The following PCBP3 variants were observed in gnomAD, a reference collection of about 807,000 sequenced individuals.
The protein encoded by PCBP3 is poly(rC) binding protein 3.
PCBP3 carries 25 observed loss-of-function variants against 52.7 expected under a neutral mutation model. The observed-to-expected ratio is 0.47, with a 90% CI of 0.35 to 0.66. The LOEUF is 0.66. Among genes scored for constraint, PCBP3 ranks in the 30% least tolerant of loss-of-function variants. The probability of loss-of-function intolerance (pLI) is 0.01; values close to 1 mark genes in which losing one functional copy is unlikely to be tolerated. For synonymous variants in PCBP3, 162 were observed against 183.0 expected (o/e 0.89, Z 0.93); for missense variants, 391 against 490.3 (o/e 0.80, Z 1.91).
chr21:45,649,422 T>G (rs1325347228), intron 1 of PCBP3, among the ~76,000 whole-genome samples: 1 of 152,238 alleles, frequency 6.6e-6, no homozygotes, highest in Admixed American at 6.5e-5. Context: ...TATTTGCTTT[T>G]TATAGTCTAC....
intron 4 of PCBP3, among the ~76,000 whole-genome samples, chr21:45,820,591 A>G (rs2093103275): frequency 6.6e-6 from 1 of 152,106 alleles, no homozygotes; most frequent in Non-Finnish European, 1.5e-5. Context: ...AGGGGGTGAG[A>G]CTGTGCTCCG....
At chr21:45,898,022 G>A (rs570101636) in intron 6 of PCBP3, among the ~76,000 whole-genome samples, 3 of 152,232 alleles carry the variant, frequency 2.0e-5, no homozygotes, top group African/African-American at 4.8e-5. Flanking sequence ...CTAGATTTCC[G>A]GGAAGACACG....
At chr21:45,862,521 G>A (rs1290468181) in intron 5 of PCBP3, among the ~76,000 whole-genome samples, 1 of 152,018 alleles carries the variant, frequency 6.6e-6, no homozygotes, top group Non-Finnish European at 1.5e-5. Context: ...TGGTCCTTCT[G>A]GGTAATGATC....
chr21:45,652,630 A>C (rs965671791), intron 1 of PCBP3, among the ~76,000 whole-genome samples: 1 of 151,924 alleles, frequency 6.6e-6, no homozygotes, highest in Non-Finnish European at 1.5e-5. Context: ...TTTAGTAGAG[A>C]CGGGGTTTCA....
At chr21:45,938,857 G>C (rs1415101933) in intron 16 of PCBP3, among the ~76,000 whole-genome samples, 1 of 152,238 alleles carries the variant, frequency 6.6e-6, no homozygotes, top group African/African-American at 2.4e-5. Flanking sequence ...GGTCTCCTCA[G>C]GGACAAGGGC....
rs1467699784 is a variant in PCBP3, at chr21:45,923,014, A to G, written c.717+5385A>G. On this transcript the variant is annotated intron_variant, in intron 13 of 17. Coordinates refer to ENST00000681687, the MANE Select transcript of PCBP3 (RefSeq NM_001384156.1). ...GGAGCCAGGGATGGGAGGCACGACC[A>G]GATCCTGTGCTGGATGCGGCCCTTC... Among the ~76,000 whole-genome samples the G allele has an allele frequency of 2.0e-5, 3 of 152,388 alleles. No individual in the cohort carries two copies. In the East Asian group the frequency reaches 5.8e-4, roughly 29 times the overall value.
intron 1 of PCBP3, among the ~76,000 whole-genome samples, chr21:45,663,872 G>A (rs1360158424): frequency 2.8e-4 from 43 of 151,996 alleles, no homozygotes; most frequent in Non-Finnish European, 1.5e-5. Context: ...CATATGAATT[G>A]TATGATTGTT....
chr21:45,750,084 T>G (rs1042038183), intron 3 of PCBP3: 2 of 152,296 alleles, frequency 1.3e-5, no homozygotes, highest in African/African-American at 4.8e-5. Context: ...GGCTGGCGCC[T>G]GCCTGCGTGG....
chr21:45,856,584 G>A (rs2094304292), intron 5 of PCBP3, among the ~76,000 whole-genome samples: 2 of 152,058 alleles, frequency 1.3e-5, no homozygotes. Flanking sequence ...AAAAGTGTGT[G>A]GCACGCCCCC....
At chr21:45,784,524 T>G (rs1282858945) in intron 4 of PCBP3, among the ~76,000 whole-genome samples, 2 of 152,194 alleles carry the variant, frequency 1.3e-5, no homozygotes. Flanking sequence ...GAAGCTGGAC[T>G]GTACTGCTGC....
At chr21:45,797,645 A>G (rs1569235397) in intron 4 of PCBP3, among the ~76,000 whole-genome samples, 8 of 152,180 alleles carry the variant, frequency 5.3e-5, no homozygotes, top group Non-Finnish European at 1.2e-4. Context: ...GAATGCATGG[A>G]TGGATAAGTG....
In PCBP3 at chr21:45,941,862, G is replaced by A. The variant is rs1008394474; in HGVS notation, c.*156G>A. The A allele has an allele frequency of 2.8e-5, 15 of 537,114 alleles. No individual in the cohort carries two copies. The highest frequency in any genetic ancestry group is 4.5e-5 in the Non-Finnish European group (14 of 310,222). 33.3% of individuals were successfully genotyped at this position (537,114 alleles called of 1,614,324 possible). A position where few individuals can be genotyped will look rare whatever the true frequency, so the allele number is the denominator to read the frequency against. ...ACGTATGCCATGGAGAAACACACCC[G>A]CGCACACAGCTGCTCTCTACAGAGG... On this transcript the variant is annotated 3_prime_UTR_variant, in exon 18 of 18. Transcript: ENST00000681687.
chr21:45,902,790 T>C (rs191521680), intron 9 of PCBP3, among the ~76,000 whole-genome samples: 3 of 152,352 alleles, frequency 2.0e-5, no homozygotes, highest in East Asian at 1.9e-4. Context: ...GACGCCAGCA[T>C]GGCTGGCCAG....
intron 2 of PCBP3, among the ~76,000 whole-genome samples, chr21:45,723,749 C>G (rs566717475): frequency 6.6e-6 from 1 of 152,198 alleles, no homozygotes; most frequent in South Asian, 2.1e-4. Context: ...ATGCCAGGCC[C>G]GGGGTCGAGC....
At chr21:45,889,318 G>C (rs17004502) in intron 5 of PCBP3, among the ~76,000 whole-genome samples, 3 of 152,178 alleles carry the variant, frequency 2.0e-5, no homozygotes, top group Non-Finnish European at 4.4e-5. Flanking sequence ...TGCAAAAGTC[G>C]TTAAATCACA....
At position 45,805,055 on chromosome 21, in the gene PCBP3, AGCCCT is replaced by A. The variant is rs1218420908; in HGVS notation, c.-125-44903_-125-44899del. ...CCGCCTGATCCCGTGGTGATGGCAC[AGCCCT>A]GCTGTGGGGAGAGCCGTGCAGCCCC... On this transcript the variant is annotated intron_variant, in intron 4 of 17. Transcript: ENST00000681687. The surrounding 1 kb of genome is among the most constrained non-coding windows in gnomAD (Gnocchi z 4.6). 6.6e-6 allele frequency among the ~76,000 whole-genome samples: 1 copy of A among 152,148 alleles called. No homozygotes were observed. The highest frequency in any genetic ancestry group is 2.4e-5 in the African/African-American group (1 of 41,432).
chr21:45,936,305 G>A (rs557495776), intron 16 of PCBP3, among the ~76,000 whole-genome samples: 7 of 152,334 alleles, frequency 4.6e-5, no homozygotes, highest in South Asian at 4.1e-4. Flanking sequence ...CCACTGACCC[G>A]CCTGAAGAGC....
At chr21:45,797,601 C>T in intron 4 of PCBP3, among the ~76,000 whole-genome samples, 1 of 151,564 alleles carries the variant, frequency 6.6e-6, no homozygotes, top group Non-Finnish European at 1.5e-5. Flanking sequence ...TGGATGAATG[C>T]ATGGATGGAT....
intron 9 of PCBP3, among the ~76,000 whole-genome samples, chr21:45,905,221 G>T (rs1329554729): frequency 6.6e-6 from 1 of 152,166 alleles, no homozygotes; most frequent in Non-Finnish European, 1.5e-5. Flanking sequence ...TGGGCAGAAT[G>T]ACCCCCCAGA....
Sources: gnomAD v4.1 joint callset for allele counts (sites outside exome capture counted in the v4.1 genomes callset) on GRCh38, gnomAD v4.1.1 for gene constraint, Gnocchi (gnomAD v3.1) non-coding constraint, MANE v1.5 for transcripts, NCBI Gene and HGNC (gene_info 2026-07-23, HGNC 2026-07-21) for gene names.